Variants in CACNB2 observed in about 807,000 individuals in gnomAD.
CACNB2 encodes voltage-dependent L-type calcium channel subunit beta-2.
A neutral mutation model predicts 73.3 loss-of-function variants in CACNB2; 42 were observed. The observed-to-expected ratio is 0.57, with a 90% CI of 0.45 to 0.74. CACNB2 has a LOEUF of 0.74. CACNB2 is among the 30% of genes least tolerant of loss of function. The probability of loss-of-function intolerance (pLI) is 0.00; values close to 1 mark genes in which losing one functional copy is unlikely to be tolerated. For synonymous variants in CACNB2, 348 were observed against 310.3 expected, an observed-to-expected ratio of 1.12 and a Z score of -1.28; for missense variants, 940 against 853.0, an observed-to-expected ratio of 1.10 and a Z score of -1.27.
At chr10:18,217,726 C>T (rs1004106083) in intron 2 of CACNB2, among the ~76,000 whole-genome samples, 4 of 151,346 alleles carry the variant, frequency 2.6e-5, no homozygotes, top group South Asian at 4.2e-4. Context: ...ACAGCCATTG[C>T]GAAGGCCTAA....
At chr10:18,338,883 C>A (rs1349241710) in intron 2 of CACNB2, among the ~76,000 whole-genome samples, 2 of 151,750 alleles carry the variant, frequency 1.3e-5, no homozygotes, top group Non-Finnish European at 2.9e-5. Context: ...GGACCACAGG[C>A]ACATGCCACC....
At chr10:18,290,167 A>G (rs7909722) in intron 2 of CACNB2, among the ~76,000 whole-genome samples, 91,047 of 126,606 alleles carry the variant, frequency 0.72, 32,925 homozygotes, top group African/African-American at 0.84. Context: ...AGCTGGGACT[A>G]TAAGCGCGCG....
intron 2 of CACNB2, among the ~76,000 whole-genome samples, chr10:18,314,613 A>G (rs1214053863): frequency 6.6e-6 from 1 of 152,218 alleles, no homozygotes; most frequent in Non-Finnish European, 1.5e-5. Flanking sequence ...TAAAGTAACT[A>G]AAACAGCTAA....
At chr10:18,170,675 GACTA>G (rs1425614887) in intron 2 of CACNB2, among the ~76,000 whole-genome samples, 19 of 152,232 alleles carry the variant, frequency 1.2e-4, no homozygotes, top group Admixed American at 3.3e-4. Context: ...AGGACAAGAA[GACTA>G]ACTAAATCAA....
At chr10:18,502,689 C>CAAAAAAA (rs71200974) in intron 5 of CACNB2, among the ~76,000 whole-genome samples, 26 of 73,260 alleles carry the variant, frequency 3.5e-4, no homozygotes, top group African/African-American at 5.7e-4. Context: ...GACTCCATCT[C>CAAAAAAA]AAAAAAAAAA....
chr10:18,432,989 T>C (rs1395902687), intron 3 of CACNB2, among the ~76,000 whole-genome samples: 1 of 152,212 alleles, frequency 6.6e-6, no homozygotes, highest in Non-Finnish European at 1.5e-5. Context: ...TCAGCTATCT[T>C]TTATGACTGC....
At chr10:18,476,174 C>G (rs1404531651) in intron 3 of CACNB2, among the ~76,000 whole-genome samples, 1 of 152,152 alleles carries the variant, frequency 6.6e-6, no homozygotes, top group East Asian at 1.9e-4. Context: ...TATAGGGTAA[C>G]TTCCTGACAT....
At chr10:18,491,391 C>T (rs1437891199) in intron 3 of CACNB2, among the ~76,000 whole-genome samples, 1 of 152,150 alleles carries the variant, frequency 6.6e-6, no homozygotes, top group Non-Finnish European at 1.5e-5. Context: ...CAAGACCAGC[C>T]TGGGCATCAA....
At chr10:18,310,653 A>T (rs1335958229) in intron 2 of CACNB2, among the ~76,000 whole-genome samples, 1 of 150,628 alleles carries the variant, frequency 6.6e-6, no homozygotes, top group South Asian at 2.1e-4. Flanking sequence ...AAAATTATAA[A>T]GAAAAGAAAC....
intron 2 of CACNB2, among the ~76,000 whole-genome samples, chr10:18,322,902 C>G (rs1465229240): frequency 6.7e-6 from 1 of 148,854 alleles, no homozygotes; most frequent in Non-Finnish European, 1.5e-5. Context: ...AAATGAGATG[C>G]CTATAGAAAA....
intron 3 of CACNB2, among the ~76,000 whole-genome samples, chr10:18,436,673 A>G (rs1236213614): frequency 6.6e-6 from 1 of 152,218 alleles, no homozygotes; most frequent in Non-Finnish European, 1.5e-5. Flanking sequence ...AGGTTTTTAT[A>G]CCTACAAAAT....
At chr10:18,419,231 G>C (rs140891692) in intron 3 of CACNB2, among the ~76,000 whole-genome samples, 1 of 152,196 alleles carries the variant, frequency 6.6e-6, no homozygotes, top group African/African-American at 2.4e-5. Flanking sequence ...TAAGTAGCCT[G>C]AGGATTCAAT....
chr10:18,386,272 G>T (rs747693138), intron 2 of CACNB2, among the ~76,000 whole-genome samples: 2 of 151,790 alleles, frequency 1.3e-5, no homozygotes, highest in Non-Finnish European at 2.9e-5. Flanking sequence ...TGGGTTGTTG[G>T]TGTTTTTCTT....
intron 8 of CACNB2, 80 bp from the exon 9 acceptor site, chr10:18,518,830 C>G: frequency 7.7e-7 from 1 of 1,306,966 alleles, no homozygotes; most frequent in Admixed American, 1.7e-5. Context: ...TTCAAGCATT[C>G]CTAAGAGAAG....
intron 3 of CACNB2, among the ~76,000 whole-genome samples, chr10:18,497,310 A>G (rs976653724): frequency 6.6e-6 from 1 of 152,114 alleles, no homozygotes; most frequent in Non-Finnish European, 1.5e-5. Context: ...CACTTAGAAC[A>G]ATACCATTTT....
chr10:18,338,307 A>G (rs1423229938), intron 2 of CACNB2, among the ~76,000 whole-genome samples: 1 of 152,234 alleles, frequency 6.6e-6, no homozygotes, highest in African/African-American at 2.4e-5. Context: ...AAATATATGT[A>G]AAGGTGTCAA....
At chr10:18,197,290 C>G (rs539404306) in intron 2 of CACNB2, among the ~76,000 whole-genome samples, 1 of 152,078 alleles carries the variant, frequency 6.6e-6, no homozygotes, top group South Asian at 2.1e-4. Context: ...TAGCTCTTGG[C>G]CTATAACCTA....
chr10:18,153,645 G>A (rs1446067899), intron 2 of CACNB2, among the ~76,000 whole-genome samples: 1 of 150,252 alleles, frequency 6.7e-6, no homozygotes, highest in South Asian at 2.1e-4. Context: ...GCAGTGGCGC[G>A]ATCTCGGCTC....
At chr10:18,448,496 A>AAG (rs1554821515) in intron 3 of CACNB2, among the ~76,000 whole-genome samples, 38 of 148,630 alleles carry the variant, frequency 2.6e-4, no homozygotes, top group Non-Finnish European at 3.0e-5. Flanking sequence ...AAAAAAAAAA[A>AAG]AAAAAGAAAA....
Sources: gnomAD v4.1 joint callset for allele counts (sites outside exome capture counted in the v4.1 genomes callset) on GRCh38, gnomAD v4.1.1 for gene constraint, MANE v1.5 for transcripts, NCBI Gene and HGNC (gene_info 2026-07-23, HGNC 2026-07-21) for gene names.